The following ZNF385B variants were observed in gnomAD, a reference collection of about 807,000 sequenced individuals.
ZNF385B encodes the protein zinc finger protein 385B.
Under a neutral mutation model 39.2 loss-of-function variants are expected in ZNF385B, and 23 were observed. The observed-to-expected ratio is 0.59, with a 90% confidence interval of 0.42 to 0.83. The LOEUF (loss-of-function observed/expected upper bound fraction) is 0.83. Ranked by LOEUF, ZNF385B falls within the 40% of genes least tolerant of loss-of-function variation. The pLI is 0.00. For synonymous variants in ZNF385B, 205 were observed against 222.6 expected (o/e 0.92, Z 0.70); for missense variants, 552 against 598.9 (o/e 0.92, Z 0.82).
chr2:179,841,983 C>T (rs111782194), intron 1 of ZNF385B, among the ~76,000 whole-genome samples: 4 of 152,300 alleles, frequency 2.6e-5, no homozygotes, highest in African/African-American at 9.6e-5. Context: ...GATACCAGAG[C>T]ATACTGGAAG....
chr2:179,804,998 T>C (rs1706260376), intron 1 of ZNF385B, among the ~76,000 whole-genome samples: 1 of 152,202 alleles, frequency 6.6e-6, no homozygotes, highest in South Asian at 2.1e-4. Flanking sequence ...GACACTCTTC[T>C]CATCAAGAGG....
chr2:179,696,966 C>T lies in ZNF385B; in HGVS notation c.298+72537G>A, dbSNP rs931055354. Among the ~76,000 whole-genome samples, 6 of 152,180 alleles carry T rather than the reference C, an allele frequency of 3.9e-5. No individual in the cohort carries two copies. In the South Asian group the frequency reaches 1.0e-3, roughly 26 times the overall value. Reference sequence around the variant, plus strand: ...TGGCATGGTCACAGACAGAAGCTCACAGCAAGGACCAGTGATAATCAAAGA... The same window carrying T: ...TGGCATGGTCACAGACAGAAGCTCATAGCAAGGACCAGTGATAATCAAAGA... On this transcript the variant is annotated intron_variant, in intron 3 of 9. Coordinates refer to ENST00000410066, the MANE Select transcript of ZNF385B (RefSeq NM_152520.6).
chr2:179,447,966 T>G (rs2049672942), intron 6 of ZNF385B, among the ~76,000 whole-genome samples: 1 of 125,990 alleles, frequency 7.9e-6, no homozygotes, highest in Non-Finnish European at 1.6e-5. Context: ...GAATCAGCAG[T>G]TGATTTCCAT....
At chr2:179,837,568 G>A (rs375086975) in intron 1 of ZNF385B, among the ~76,000 whole-genome samples, 1 of 152,202 alleles carries the variant, frequency 6.6e-6, no homozygotes, top group African/African-American at 2.4e-5. Flanking sequence ...GTCAGCAACT[G>A]TTTTGAAAGC....
chr2:179,855,438 T>C (rs1684515839), intron 1 of ZNF385B, among the ~76,000 whole-genome samples: 1 of 152,218 alleles, frequency 6.6e-6, no homozygotes, highest in Non-Finnish European at 1.5e-5. Flanking sequence ...ACTAAGTCAT[T>C]TTTCATAAAG....
chr2:179,588,129 C>T (rs1687240276), intron 3 of ZNF385B, among the ~76,000 whole-genome samples: 2 of 152,258 alleles, frequency 1.3e-5, no homozygotes, highest in African/African-American at 2.4e-5. Context: ...CGCTCTGTCG[C>T]CCAGGCTGGA....
Position 179,445,618 on chromosome 2 carries a change from G to C in ZNF385B, c.1072C>G (p.Leu358Val). 1 of 1,613,992 alleles carries C rather than the reference G, an allele frequency of 6.2e-7. No homozygotes were observed. Residue 358 changes from leucine to valine, a missense_variant, in exon 8 of 10, where the codon CTA (leucine) becomes GTA (valine). Transcript: ENST00000410066. ...TCACAATGAAATGTCTTGTTCTGTA[G>C]TCCTGACCCCTTACTGCCATTCTGC... ...KMQNGSKGSGLQNKTFHCEIC... is the reference protein window; with the variant it reads ...KMQNGSKGSGVQNKTFHCEIC...
chr2:179,567,331 T>C (rs1684709600), intron 3 of ZNF385B, among the ~76,000 whole-genome samples: 1 of 152,114 alleles, frequency 6.6e-6, no homozygotes, highest in Non-Finnish European at 1.5e-5. Flanking sequence ...AAGCTATCTG[T>C]GGGGGGAAAA....
chr2:179,733,441 T>C (rs941765895), intron 3 of ZNF385B, among the ~76,000 whole-genome samples: 2 of 152,208 alleles, frequency 1.3e-5, no homozygotes, highest in African/African-American at 2.4e-5. Context: ...ACCTTCTTTT[T>C]AATGTGAATA....
intron 6 of ZNF385B, among the ~76,000 whole-genome samples, chr2:179,478,620 A>G (rs1421076761): frequency 6.6e-6 from 1 of 152,216 alleles, no homozygotes; most frequent in Non-Finnish European, 1.5e-5. Flanking sequence ...ATCTGTTTAG[A>G]CAGCAACTGA....
intron 3 of ZNF385B, among the ~76,000 whole-genome samples, chr2:179,591,514 T>A (rs1471855624): frequency 6.6e-6 from 1 of 152,162 alleles, no homozygotes; most frequent in Non-Finnish European, 1.5e-5. Flanking sequence ...AGTCATTTAA[T>A]GTTCATCTCT....
At chr2:179,788,125 T>G (rs577147512) in intron 1 of ZNF385B, among the ~76,000 whole-genome samples, 5 of 152,322 alleles carry the variant, frequency 3.3e-5, no homozygotes, top group Admixed American at 1.3e-4. Context: ...GTGATTTTCA[T>G]TCTTTTCCTC....
At chr2:179,843,365 G>A (rs1230086793) in intron 1 of ZNF385B, among the ~76,000 whole-genome samples, 6 of 152,080 alleles carry the variant, frequency 3.9e-5, no homozygotes, top group Non-Finnish European at 5.9e-5. Flanking sequence ...TCAGTGAATC[G>A]GAACTTCTTT....
At chr2:179,700,829 C>T (rs1026033042) in intron 3 of ZNF385B, among the ~76,000 whole-genome samples, 5 of 152,042 alleles carry the variant, frequency 3.3e-5, no homozygotes, top group African/African-American at 1.2e-4. Flanking sequence ...CTGGTTAACA[C>T]GGTGAAACCC....
chr2:179,731,341 T>C (rs147046064), intron 3 of ZNF385B, among the ~76,000 whole-genome samples: 1 of 152,316 alleles, frequency 6.6e-6, no homozygotes, highest in East Asian at 1.9e-4. Flanking sequence ...CCCACACAGA[T>C]AGCAAGAGTC....
intron 3 of ZNF385B, among the ~76,000 whole-genome samples, chr2:179,667,705 T>C (rs1695353478): frequency 6.6e-6 from 1 of 152,198 alleles, no homozygotes; most frequent in Admixed American, 6.5e-5. Flanking sequence ...GCAGCTATGT[T>C]TAAGCCAGAG....
intron 6 of ZNF385B, among the ~76,000 whole-genome samples, chr2:179,470,117 C>T (rs1166809643): frequency 6.6e-6 from 1 of 152,186 alleles, no homozygotes; most frequent in African/African-American, 2.4e-5. Flanking sequence ...ATGCTTTTCT[C>T]TCACTTTCTC....
At chr2:179,789,255 A>G (rs1306498688) in intron 1 of ZNF385B, among the ~76,000 whole-genome samples, 1 of 152,188 alleles carries the variant, frequency 6.6e-6, no homozygotes, top group Non-Finnish European at 1.5e-5. Context: ...TACATTCCCC[A>G]CTATTTTTAG....
intron 3 of ZNF385B, among the ~76,000 whole-genome samples, chr2:179,546,601 C>T (rs1430057764): frequency 6.6e-6 from 1 of 152,104 alleles, no homozygotes; most frequent in African/African-American, 2.4e-5. Context: ...ATATGTAACT[C>T]ATTTTCTTTT....
Sources: allele counts gnomAD v4.1 joint callset (sites outside exome capture counted in the v4.1 genomes callset), GRCh38; gene constraint gnomAD v4.1.1; transcripts MANE v1.5; gene names NCBI Gene and HGNC (gene_info 2026-07-23, HGNC 2026-07-21).